The following RNF144A variants were observed in gnomAD, a reference collection of about 807,000 sequenced individuals.
RNF144A encodes ring finger protein 144A.
In RNF144A, 11 loss-of-function variants were observed where a neutral mutation model predicts 38.7. The observed-to-expected ratio is 0.28, with a 90% CI of 0.18 to 0.47. The LOEUF (loss-of-function observed/expected upper bound fraction) is 0.47. Among genes scored for constraint, RNF144A ranks in the 20% least tolerant of loss-of-function variants. The pLI, the probability that RNF144A is intolerant of heterozygous loss-of-function variation, is 0.99. For synonymous variants in RNF144A, 149 were observed against 143.9 expected (o/e 1.04, Z -0.25); for missense variants, 316 against 377.2 (o/e 0.84, Z 1.34).
At chr2:6,924,207 T>G (rs1248127646) in intron 1 of RNF144A, among the ~76,000 whole-genome samples, 1 of 152,228 alleles carries the variant, frequency 6.6e-6, no homozygotes, top group Non-Finnish European at 1.5e-5. Flanking sequence ...TGGCCTGGAA[T>G]GCAGAGAGAG....
rs1182606135 is a variant in RNF144A at position 7,020,493 on chromosome 2, C to T, written c.322C>T (p.Arg108Trp). 12 of 1,613,640 alleles carry T rather than the reference C, an allele frequency of 7.4e-6. No individual in the cohort carries two copies. The highest frequency in any genetic ancestry group is 9.3e-6 in the Non-Finnish European group (11 of 1,179,970). Residue 108 changes from arginine to tryptophan, a missense_variant, in exon 6 of 9, where the codon CGG (arginine) becomes TGG (tryptophan). Coordinates refer to ENST00000320892, the MANE Select transcript of RNF144A (RefSeq NM_014746.6). The stretch of plus-strand genomic sequence containing the variant: ...ACCAGAGGTGCTGTTTGATCCCTGT[C>T]GGACTTGGTGCCCGGCGTCCACCTG... ...FEREVLFDPCRTWCPASTCQA... is the reference protein window; with the variant it reads ...FEREVLFDPCWTWCPASTCQA...
intron 6 of RNF144A, among the ~76,000 whole-genome samples, chr2:7,056,450 A>G (rs1226879274): frequency 6.6e-6 from 1 of 151,830 alleles, no homozygotes; most frequent in Admixed American, 6.6e-5. Context: ...TCATTCCTCC[A>G]TCCCCCCAAA....
Position 7,042,552 on chromosome 2 carries a change from G to C in RNF144A, c.*2792G>C. 1.0e-6 allele frequency: 1 copy of C among 985,536 alleles called. No individual in the cohort carries two copies. Among genetic ancestry groups the C allele is most frequent in the Non-Finnish European group, 1.2e-6 (1 of 829,994 alleles). 61.0% of individuals were successfully genotyped at this position (985,536 alleles called of 1,614,324 possible). ...GGGTGGCCAGTGAGGACTGGCCTTA[G>C]CCCAGTGGACCTGTGGCTTCTCTGA... is the stretch of plus-strand genomic sequence containing the variant. On this transcript the variant is annotated 3_prime_UTR_variant, in exon 9 of 9. Transcript: ENST00000320892.
intron 7 of RNF144A, among the ~76,000 whole-genome samples, chr2:7,024,777 G>A (rs1671771843): frequency 6.6e-6 from 1 of 152,170 alleles, no homozygotes; most frequent in African/African-American, 2.4e-5. Flanking sequence ...ATTTAAAGGG[G>A]TTTTAGCATC....
At chr2:6,973,712 C>T (rs73914445) in intron 2 of RNF144A, among the ~76,000 whole-genome samples, 3,806 of 152,294 alleles carry the variant, frequency 0.025, 133 homozygotes, top group African/African-American at 0.087. Context: ...TTTCACCACC[C>T]CTAGAAAATC....
chr2:6,933,396 G>A (rs1665334657), intron 1 of RNF144A, among the ~76,000 whole-genome samples: 1 of 152,200 alleles, frequency 6.6e-6, no homozygotes, highest in African/African-American at 2.4e-5. Context: ...CCTACTCTAA[G>A]GATTTGCTTC....
At position 7,020,543 on chromosome 2, in the gene RNF144A, C is replaced by T. The variant is rs550887978; in HGVS notation, c.372C>T (p.Asp124=). Residue 124 remains aspartate (D), a synonymous_variant, in exon 6 of 9, where the codon GAC becomes GAT. Transcript: ENST00000320892. ...STCQAVCQLQ[D]VGLQTPQPVQ... is the part of the protein sequence containing the mutation. ...GCCAAGCTGTGTGTCAGCTCCAGGA[C>T]GTGGGGCTGCAGACCCCCCAGCCAG... 138 of 1,613,614 alleles carry T rather than the reference C, an allele frequency of 8.6e-5. No homozygotes were observed. In the East Asian group the frequency reaches 2.7e-3, roughly 32 times the overall value.
At chr2:7,011,360 A>G (rs1012603124) in intron 3 of RNF144A, among the ~76,000 whole-genome samples, 4 of 152,204 alleles carry the variant, frequency 2.6e-5, no homozygotes, top group African/African-American at 9.7e-5. Flanking sequence ...TATATCTCTA[A>G]ACTGGCTCAT....
At chr2:7,063,041 C>T (rs1290875050) in intron 6 of RNF144A, 2 of 152,182 alleles carry the variant, frequency 1.3e-5, no homozygotes, top group Non-Finnish European at 2.9e-5. Flanking sequence ...AGGTGAGAGG[C>T]ATGATCAACA....
At chr2:6,926,684 C>T (rs981439609) in intron 1 of RNF144A, among the ~76,000 whole-genome samples, 1 of 152,166 alleles carries the variant, frequency 6.6e-6, no homozygotes, top group African/African-American at 2.4e-5. Context: ...TCATAGGAGG[C>T]GCTCAATAAA....
chr2:7,013,454 C>T (rs956345990), intron 3 of RNF144A, among the ~76,000 whole-genome samples: 1 of 152,132 alleles, frequency 6.6e-6, no homozygotes, highest in African/African-American at 2.4e-5. Flanking sequence ...TGATTAATTG[C>T]TATTATATTT....
At chr2:7,071,037 C>T (rs1044131359), downstream of RNF144A, among the ~76,000 whole-genome samples, 33 of 150,416 alleles carry the variant, frequency 2.2e-4, no homozygotes, top group African/African-American at 7.3e-4. Context: ...CAGGTTCAAG[C>T]GATTCTCCTG....
intron 5 of RNF144A, among the ~76,000 whole-genome samples, chr2:7,017,090 C>G (rs1671187320): frequency 6.6e-6 from 1 of 152,140 alleles, no homozygotes; most frequent in South Asian, 2.1e-4. Flanking sequence ...GTGTGGATGC[C>G]TCTTGCTGCG....
chr2:6,953,326 G>A (rs554493602), intron 2 of RNF144A, among the ~76,000 whole-genome samples: 89 of 152,240 alleles, frequency 5.8e-4, no homozygotes, highest in African/African-American at 2.1e-3. Flanking sequence ...CTACTCGGGA[G>A]GCTGAGGCAG....
intron 1 of RNF144A, among the ~76,000 whole-genome samples, chr2:6,937,052 A>G (rs567370171): frequency 4.6e-5 from 7 of 152,280 alleles, no homozygotes; most frequent in Non-Finnish European, 1.0e-4. Flanking sequence ...GCTAAAACCC[A>G]GTACGTACAT....
chr2:6,928,508 A>G (rs1170520958), intron 1 of RNF144A, among the ~76,000 whole-genome samples: 1 of 152,142 alleles, frequency 6.6e-6, no homozygotes, highest in Admixed American at 6.5e-5. Flanking sequence ...CACATCCTAC[A>G]TCTGCACCCC....
chr2:6,928,942 C>T (rs1006316981), intron 1 of RNF144A, among the ~76,000 whole-genome samples: 4 of 152,176 alleles, frequency 2.6e-5, no homozygotes, highest in African/African-American at 7.2e-5. Context: ...CTGTCAGTTC[C>T]CTGAGCAGCT....
chr2:7,024,666 G>A, intron 7 of RNF144A, 150 bp downstream of exon 7: 2 of 890,066 alleles, frequency 2.2e-6, no homozygotes, highest in Non-Finnish European at 3.4e-6. Context: ...TCCTGGGTTT[G>A]TGAAAACATT....
intron 5 of RNF144A, among the ~76,000 whole-genome samples, chr2:7,016,923 C>A (rs891002542): frequency 5.9e-5 from 9 of 152,188 alleles, no homozygotes; most frequent in African/African-American, 1.9e-4. Context: ...TCTGATATAA[C>A]AGCCTTGGTT....
Sources: allele counts gnomAD v4.1 joint callset (sites outside exome capture counted in the v4.1 genomes callset), GRCh38; gene constraint gnomAD v4.1.1; transcripts MANE v1.5; gene names NCBI Gene and HGNC (gene_info 2026-07-23, HGNC 2026-07-21).